Variants in ADGRF5 observed in about 807,000 individuals in gnomAD.
ADGRF5 encodes adhesion G protein-coupled receptor F5.
In ADGRF5, 75 loss-of-function variants were observed where a neutral mutation model predicts 132.3. The observed-to-expected ratio is 0.57, with a 90% CI of 0.47 to 0.69. ADGRF5 has a LOEUF of 0.69. Among genes scored for constraint, ADGRF5 ranks in the 30% least tolerant of loss-of-function variants. The probability of loss-of-function intolerance (pLI) is 0.00; values close to 1 mark genes in which losing one functional copy is unlikely to be tolerated. For synonymous variants in ADGRF5, 629 were observed against 597.6 expected, an observed-to-expected ratio of 1.05 and a Z score of -0.77; for missense variants, 1,516 against 1,630.6, an observed-to-expected ratio of 0.93 and a Z score of 1.21.
upstream of ADGRF5, among the ~76,000 whole-genome samples, chr6:46,923,428 C>CA (rs1378307464): frequency 6.6e-5 from 10 of 152,190 alleles, no homozygotes; most frequent in Non-Finnish European, 1.5e-4. Flanking sequence ...AGTCAGCAAC[C>CA]ACCAGCAGGA....
intron 3 of ADGRF5, among the ~76,000 whole-genome samples, chr6:46,896,304 A>G (rs1259730381): frequency 6.6e-6 from 1 of 151,712 alleles, no homozygotes; most frequent in East Asian, 1.9e-4. Context: ...CCTTACAGCC[A>G]CTCATTGTCC....
At chr6:46,861,773 C>CA (rs762344822) in intron 15 of ADGRF5, among the ~76,000 whole-genome samples, 3 of 152,170 alleles carry the variant, frequency 2.0e-5, no homozygotes, top group Non-Finnish European at 2.9e-5. Flanking sequence ...TCAAAGGAAG[C>CA]ATGATAGAGC....
chr6:46,899,159 A>G (rs900614987), intron 3 of ADGRF5, among the ~76,000 whole-genome samples: 2 of 152,174 alleles, frequency 1.3e-5, no homozygotes, highest in Non-Finnish European at 2.9e-5. Flanking sequence ...GCAAGAGTTC[A>G]TAAGACTTGA....
At chr6:46,882,800 A>C (rs536918883) in intron 6 of ADGRF5, among the ~76,000 whole-genome samples, 1 of 152,334 alleles carries the variant, frequency 6.6e-6, no homozygotes, top group South Asian at 2.1e-4. Flanking sequence ...CTGAAGCGGC[A>C]CTTCATCAAG....
At position 46,868,956 on chromosome 6, in the gene ADGRF5, A is replaced by C; in HGVS notation, c.1548T>G (p.Phe516Leu). The change falls in exon 12 of 21, where the codon TTT (phenylalanine) becomes TTG (leucine). Residue 516 changes from phenylalanine (F) to leucine (L), a missense_variant. Phe to Leu is a conservative substitution (Grantham distance 22). This residue lies in a region of ADGRF5 where 945 missense variants were observed against 929.4 expected (regional missense o/e 1.02). Coordinates refer to ENST00000283296, the MANE Select transcript of ADGRF5 (RefSeq NM_001098518.2). ...TSAGIKIYQR[F>L]YTTRRYLDGA... ...CATCAAGATACCTCCTCGTGGTATA[A>C]AATCTTTGGTATATTTTAATTCCAG... 6.2e-7 allele frequency: 1 copy of C among 1,613,516 alleles called. No individual in the cohort carries two copies.
intron 3 of ADGRF5, among the ~76,000 whole-genome samples, chr6:46,895,151 T>C (rs1347429465): frequency 6.6e-6 from 1 of 152,088 alleles, no homozygotes; most frequent in Middle Eastern, 3.2e-3. Context: ...CACTCCAGCC[T>C]GAGTGACACA....
upstream of ADGRF5, among the ~76,000 whole-genome samples, chr6:46,923,741 A>G (rs547009454): frequency 2.6e-5 from 4 of 152,318 alleles, no homozygotes; most frequent in South Asian, 8.3e-4. Flanking sequence ...TGTTAGGAAC[A>G]CTATGTGCTT....
intron 10 of ADGRF5, among the ~76,000 whole-genome samples, chr6:46,877,267 CTTTCT>C (rs1771818445): frequency 2.5e-5 from 1 of 39,906 alleles, no homozygotes; most frequent in African/African-American, 1.6e-4. Flanking sequence ...TTCTTTCTTT[CTTTCT>C]TTCTTTCTTT....
chr6:46,904,969 A>C (rs1032542861), intron 2 of ADGRF5, among the ~76,000 whole-genome samples: 7 of 152,188 alleles, frequency 4.6e-5, no homozygotes, highest in African/African-American at 1.7e-4. Context: ...TGGATTTCAC[A>C]TTCCACCAAG....
Position 46,937,221 on chromosome 6 carries a change from A to AGTGTGTGTGTGTGT in ADGRF5, c.-25+17499_-25+17512dup, listed in dbSNP as rs10558166. On this transcript the variant is annotated intron_variant, in intron 1 of 20. Coordinates refer to the ADGRF5 transcript ENST00000265417. ...ATGAAGCAAGGTACAGGCAATAAGG[A>AGTGTGTGTGTGTGT]GTGTGTGTGTGTGTGTGTGTGTGTG... Among the ~76,000 whole-genome samples, 589 of 146,786 alleles carry AGTGTGTGTGTGTGT rather than the reference A, an allele frequency of 4.0e-3. 2 individuals are homozygous for AGTGTGTGTGTGTGT. Among genetic ancestry groups the AGTGTGTGTGTGTGT allele is most frequent in the South Asian group, 0.012 (56 of 4,512 alleles).
At chr6:46,894,827 A>T (rs906464350) in intron 3 of ADGRF5, among the ~76,000 whole-genome samples, 5 of 152,236 alleles carry the variant, frequency 3.3e-5, no homozygotes, top group Admixed American at 6.5e-5. Flanking sequence ...AGTAATTCTG[A>T]TTATCATAAA....
intron 1 of ADGRF5, among the ~76,000 whole-genome samples, chr6:46,915,999 T>C (rs1198202144): frequency 3.3e-5 from 5 of 152,160 alleles, no homozygotes; most frequent in Non-Finnish European, 7.3e-5. Context: ...CCTTTTCTCC[T>C]TCTATGCTCC....
intron 3 of ADGRF5, among the ~76,000 whole-genome samples, chr6:46,897,596 A>G (rs1435673720): frequency 6.6e-6 from 1 of 152,124 alleles, no homozygotes; most frequent in African/African-American, 2.4e-5. Flanking sequence ...TCTCTTTGAG[A>G]TGGAGTCTCG....
At chr6:46,898,903 T>C (rs1774455929) in intron 3 of ADGRF5, among the ~76,000 whole-genome samples, 1 of 152,212 alleles carries the variant, frequency 6.6e-6, no homozygotes. Context: ...AGAAAGGTGC[T>C]GTAATGTGAA....
At position 46,945,485 on chromosome 6, in the gene ADGRF5, C is replaced by T. The variant is rs574878579; in HGVS notation, c.-25+9249G>A. 1.3e-4 allele frequency among the ~76,000 whole-genome samples: 20 copies of T among 152,118 alleles called. No homozygotes were observed. In the South Asian group the frequency reaches 3.1e-3, roughly 24 times the overall value. On this transcript the variant is annotated intron_variant, in intron 1 of 20. Coordinates refer to the ADGRF5 transcript ENST00000265417. ...AATGTGCCAGGTACTGTGCTAGGGG[C>T]GAGGAGTAAAAAGATGAATAAGATG...
intron 1 of ADGRF5, among the ~76,000 whole-genome samples, chr6:46,931,235 C>T (rs956209830): frequency 2.0e-5 from 3 of 152,160 alleles, no homozygotes; most frequent in Non-Finnish European, 4.4e-5. Context: ...CATAGAGTAT[C>T]TCTTTGACAT....
At chr6:46,953,999 G>C (rs1280452025) in intron 1 of ADGRF5, among the ~76,000 whole-genome samples, 1 of 151,846 alleles carries the variant, frequency 6.6e-6, no homozygotes, top group South Asian at 2.1e-4. Context: ...ACTTAAATAA[G>C]ACCTGGCTCC....
intron 1 of ADGRF5, among the ~76,000 whole-genome samples, chr6:46,946,642 A>G (rs1778312157): frequency 6.6e-6 from 1 of 152,202 alleles, no homozygotes; most frequent in Non-Finnish European, 1.5e-5. Flanking sequence ...GGGCAGGAGC[A>G]CGGGAGAGCT....
At chr6:46,856,984 C>T in intron 17 of ADGRF5, 76 bp from the exon 18 acceptor site, 1 of 1,141,744 alleles carries the variant, frequency 8.8e-7, no homozygotes, top group East Asian at 2.4e-5. Flanking sequence ...GTACTGTTAA[C>T]CTGGTGTTAA....
Sources: allele counts gnomAD v4.1 joint callset (sites outside exome capture counted in the v4.1 genomes callset), GRCh38; gene constraint gnomAD v4.1.1; regional missense constraint gnomAD v4.1.1; transcripts MANE v1.5; gene names NCBI Gene and HGNC (gene_info 2026-07-23, HGNC 2026-07-21).